Variants in MAN2A2 observed in about 807,000 individuals in gnomAD.
MAN2A2 encodes mannosidase alpha class 2A member 2.
MAN2A2 carries 79 observed loss-of-function variants against 126.8 expected under a neutral mutation model. The observed-to-expected ratio is 0.62, with a 90% CI of 0.52 to 0.75. The LOEUF (loss-of-function observed/expected upper bound fraction) is 0.75, where lower values mean the gene tolerates loss of function less well. Among genes scored for constraint, MAN2A2 ranks in the 30% least tolerant of loss-of-function variants. MAN2A2 has a pLI of 0.00. For synonymous variants in MAN2A2, 671 were observed against 618.7 expected (o/e 1.08, Z -1.25); for missense variants, 1,392 against 1,522.4 (o/e 0.91, Z 1.43).
chr15:90,906,929 G>A lies in MAN2A2; in HGVS notation c.1009+16G>A. The stretch of plus-strand genomic sequence containing the variant: ...CAGACATGGGGTAAGGCCGGGTAGG[G>A]TAGAGGGGGTTACTGCAGCATAGTC... On this transcript the variant is annotated intron_variant, in intron 7 of 22. Transcript: ENST00000559717. 6.2e-7 allele frequency: 1 copy of A among 1,612,944 alleles called. No homozygotes were observed. Among genetic ancestry groups the A allele is most frequent in the East Asian group, 2.2e-5 (1 of 44,886 alleles).
chr15:90,917,263 G>T (rs2035259727), intron 20 of MAN2A2, among the ~76,000 whole-genome samples: 1 of 152,232 alleles, frequency 6.6e-6, no homozygotes, highest in South Asian at 2.1e-4. Flanking sequence ...TGCCCTCTTG[G>T]CTGGTGCTGG....
intron 20 of MAN2A2, 87 bp from the exon 21 acceptor site, chr15:90,918,107 C>A: frequency 7.7e-7 from 1 of 1,305,702 alleles, no homozygotes; most frequent in Non-Finnish European, 1.1e-6. Flanking sequence ...TCCAAAACAA[C>A]TGACCTGGGT....
rs777915847 is a variant in MAN2A2, at chr15:90,910,101, C to T, written c.1386C>T (p.Gly462=). The stretch of plus-strand genomic sequence containing the variant: ...TGGGGTTCCCACAGGCCCAGTTTGG[C>T]ACTCTTTCTGACTATTTTGATGCCC... ...RPNLHVQAQF[G]TLSDYFDALY... Residue 462 remains glycine (G), a synonymous_variant, in exon 10 of 23, where the codon GGC becomes GGT. Transcript: ENST00000559717. 6.2e-7 allele frequency: 1 copy of T among 1,611,796 alleles called. No homozygotes were observed. The highest frequency in any genetic ancestry group is 8.5e-7 in the Non-Finnish European group (1 of 1,178,772).
intron 2 of MAN2A2, 65 bp downstream of exon 2, chr15:90,904,404 C>G: frequency 6.5e-7 from 1 of 1,545,176 alleles, no homozygotes; most frequent in Non-Finnish European, 8.7e-7. Flanking sequence ...TATGCACCTC[C>G]CACCCCGCCG....
chr15:90,903,878 A>G, intron 1 of MAN2A2: 1 of 406,098 alleles, frequency 2.5e-6, no homozygotes, highest in Non-Finnish European at 4.7e-6. Context: ...GAGCCTGAAC[A>G]GGCACCTCCT....
At chr15:90,918,164 C>A (rs767018649) in intron 20 of MAN2A2, 30 bp from the exon 21 acceptor site, 1 of 1,599,216 alleles carries the variant, frequency 6.3e-7, no homozygotes, top group Non-Finnish European at 8.5e-7. Flanking sequence ...GGCTTTGGTC[C>A]CTCACCAATA....
At chr15:90,907,946 T>C (rs1036602673) in intron 8 of MAN2A2, among the ~76,000 whole-genome samples, 10 of 152,224 alleles carry the variant, frequency 6.6e-5, no homozygotes, top group African/African-American at 2.4e-4. Flanking sequence ...AAGATAGCAC[T>C]CTTGCTGAAA....
Position 90,913,267 on chromosome 15 carries a change from A to T in MAN2A2, c.2585-6A>T. On this transcript the variant is annotated splice_region_variant and splice_polypyrimidine_tract_variant and intron_variant, in intron 17 of 22. Coordinates refer to ENST00000559717, the MANE Select transcript of MAN2A2 (RefSeq NM_006122.4). ...GTCCATGCCCCCACTTTGTTCCTGT[A>T]CCCAGGGGTGGAGGGGCTGTCTCTG... is the stretch of plus-strand genomic sequence containing the variant. 1 of 1,613,324 alleles carries T rather than the reference A, an allele frequency of 6.2e-7. No homozygotes were observed. Among genetic ancestry groups the T allele is most frequent in the South Asian group, 1.1e-5 (1 of 91,034 alleles).
At position 90,918,268 on chromosome 15, in the gene MAN2A2, G is replaced by A. The variant is rs760174400; in HGVS notation, c.3069G>A (p.Ala1023=). 2.6e-5 allele frequency: 42 copies of A among 1,614,144 alleles called. No individual in the cohort carries two copies. The Middle Eastern group carries it at 1.2e-3, about 44-fold the overall frequency. The change falls in exon 21 of 23, where the codon GCG becomes GCA. Residue 1023 remains alanine, a synonymous_variant. Transcript: ENST00000559717. The part of the protein sequence containing the change: ...HLTSMYLNAP[A]LALPVARMQL... ...CCTCCATGTACCTGAACGCCCCGGC[G>A]CTCGCTCTGCCTGTAGCCAGGATGC...
At chr15:90,914,579 G>C (rs542899957) in intron 19 of MAN2A2, among the ~76,000 whole-genome samples, 1 of 152,056 alleles carries the variant, frequency 6.6e-6, no homozygotes, top group East Asian at 1.9e-4. Flanking sequence ...GAGTGCAGTG[G>C]TGCAATCTCC....
At chr15:90,902,389 T>C (rs1235492702), upstream of MAN2A2, 1 of 152,234 alleles carries the variant, frequency 6.6e-6, no homozygotes, top group Non-Finnish European at 1.5e-5. Context: ...AGCACCCCTT[T>C]GCCCGAGGGG....
Position 90,905,666 on chromosome 15 carries a change from G to T in MAN2A2, c.478G>T (p.Asp160Tyr), listed in dbSNP as rs374688808. 10 of 1,614,062 alleles carry T rather than the reference G, an allele frequency of 6.2e-6. No homozygotes were observed. The East Asian group carries it at 2.2e-4, about 36-fold the overall frequency. ...CTTCGACATCTCCTACGACCCGCAC[G>T]ACTGGGATGCTGAAGACCTGCAGGT... ...QGFDISYDPH[D>Y]WDAEDLQVFV... Residue 160 changes from aspartate to tyrosine, a missense_variant, in exon 4 of 23, where the codon GAC becomes TAC. Coordinates refer to ENST00000559717, the MANE Select transcript of MAN2A2 (RefSeq NM_006122.4).
intron 19 of MAN2A2, among the ~76,000 whole-genome samples, chr15:90,915,099 G>A (rs1284367604): frequency 6.6e-6 from 1 of 152,224 alleles, no homozygotes; most frequent in Admixed American, 6.5e-5. Context: ...TTCTCTGCCA[G>A]GAGCAGCCCC....
chr15:90,911,674 G>A, intron 14 of MAN2A2, 124 bp downstream of exon 14: 1 of 1,116,346 alleles, frequency 9.0e-7, no homozygotes, highest in Non-Finnish European at 1.2e-6. Flanking sequence ...GAGGACAAGT[G>A]TCCTGGGGAG....
intron 19 of MAN2A2, among the ~76,000 whole-genome samples, chr15:90,915,059 G>A (rs2035064191): frequency 6.6e-6 from 1 of 152,216 alleles, no homozygotes; most frequent in Non-Finnish European, 1.5e-5. Flanking sequence ...AAGTTCGGGG[G>A]CCTGACTCCC....
At chr15:90,906,660 G>A in intron 6 of MAN2A2, 80 bp from the exon 7 acceptor site, 1 of 1,577,602 alleles carries the variant, frequency 6.3e-7, no homozygotes, top group South Asian at 1.1e-5. Flanking sequence ...GACAAGAGCT[G>A]GGGTCCCAGC....
intron 2 of MAN2A2, among the ~76,000 whole-genome samples, chr15:90,904,576 C>T (rs1382542560): frequency 6.7e-6 from 1 of 148,472 alleles, no homozygotes; most frequent in Non-Finnish European, 1.5e-5. Flanking sequence ...ACTCTGTTCT[C>T]CTGAATTCTT....
intron 1 of MAN2A2, chr15:90,903,796 T>A (rs2034026723): frequency 3.2e-6 from 1 of 316,234 alleles, no homozygotes; most frequent in African/African-American, 2.1e-5. Context: ...CTCTTTGGGT[T>A]CTGGCTAAAC....
chr15:90,912,871 C>G lies in MAN2A2; in HGVS notation c.2470-6C>G, dbSNP rs780633976. ...TAGTTTCAACAGCAATCTGCTCTTTCTCTAGCCCTACGTCCCCAAGGAGCC... is the reference window on the plus strand; with the variant it reads ...TAGTTTCAACAGCAATCTGCTCTTTGTCTAGCCCTACGTCCCCAAGGAGCC... On this transcript the variant is annotated splice_region_variant and splice_polypyrimidine_tract_variant and intron_variant, in intron 16 of 22. Coordinates refer to ENST00000559717, the MANE Select transcript of MAN2A2 (RefSeq NM_006122.4). The G allele has an allele frequency of 1.2e-6, 2 of 1,611,778 alleles. No individual in the cohort carries two copies. The highest frequency in any genetic ancestry group is 1.3e-5 in the African/African-American group (1 of 74,864).
Sources: allele counts gnomAD v4.1 joint callset (sites outside exome capture counted in the v4.1 genomes callset), GRCh38; gene constraint gnomAD v4.1.1; transcripts MANE v1.5; gene names NCBI Gene and HGNC (gene_info 2026-07-23, HGNC 2026-07-21).